DSC1: variants seen among roughly 807,000 people sequenced by gnomAD.
DSC1 encodes desmocollin-1.
DSC1 carries 79 observed loss-of-function variants against 98.8 expected under a neutral mutation model. That is an observed-to-expected ratio of 0.80 (90% CI 0.67 to 0.96). The LOEUF is 0.96. DSC1 is among the 50% of genes least tolerant of loss of function. The pLI is 0.00. For synonymous variants in DSC1, 405 were observed against 372.1 expected (o/e 1.09, Z -1.02); for missense variants, 1,115 against 1,075.9 (o/e 1.04, Z -0.51).
rs756792101 is a variant in DSC1 at position 31,134,572 on chromosome 18, C to T, written c.1876G>A (p.Gly626Ser). The change falls in exon 12 of 16, where the codon GGT becomes AGT. Residue 626 changes from glycine (G) to serine (S), a missense_variant and splice_region_variant. Coordinates refer to ENST00000257198, the MANE Select transcript of DSC1 (RefSeq NM_024421.2). Reference protein sequence around the residue: ...SKNWNIEEKDGKTAILRQRQN... With the variant: ...SKNWNIEEKDSKTAILRQRQN... ...TATAAAATTTAGCATGATTACATAC[C>T]ATCCTTTTCTTCTATGTTCCAGTTT... 6.2e-6 allele frequency: 10 copies of T among 1,604,638 alleles called. No individual in the cohort carries two copies. The highest frequency in any genetic ancestry group is 8.5e-6 in the Non-Finnish European group (10 of 1,174,168).
At chr18:31,145,558 A>G in intron 7 of DSC1, 53 bp downstream of exon 7, 2 of 1,595,498 alleles carry the variant, frequency 1.3e-6, no homozygotes, top group Non-Finnish European at 1.7e-6. Context: ...TCGGGAGTTC[A>G]TTCTCAGTTT....
chr18:31,148,795 G>C (rs1435166940), intron 5 of DSC1, among the ~76,000 whole-genome samples, 153 bp from the exon 6 acceptor site: 1 of 151,740 alleles, frequency 6.6e-6, no homozygotes, highest in Non-Finnish European at 1.5e-5. Context: ...ATAACCCACA[G>C]ATGCAGTCTC....
rs974710134 is a variant in DSC1 at position 31,154,657 on chromosome 18, T to C, written c.627+117A>G. On this transcript the variant is annotated intron_variant, in intron 5 of 15. Coordinates refer to ENST00000257198, the MANE Select transcript of DSC1 (RefSeq NM_024421.2). The stretch of plus-strand genomic sequence containing the variant: ...ATTTAAAGTTTATATTGCATATTAA[T>C]ATCTTGAATATTAAATCAAATAATT... 6 of 965,348 alleles carry C rather than the reference T, an allele frequency of 6.2e-6. No individual in the cohort carries two copies. The East Asian group carries it at 1.4e-4, about 22-fold the overall frequency. 59.8% of individuals were successfully genotyped at this position (965,348 alleles called of 1,614,324 possible).
At chr18:31,162,473 G>T in intron 1 of DSC1, 59 bp downstream of exon 1, 1 of 1,543,114 alleles carries the variant, frequency 6.5e-7, no homozygotes, top group Non-Finnish European at 9.0e-7. Context: ...AGCCCAAACT[G>T]CAGAGAGGAA....
Position 31,157,700 on chromosome 18 carries a change from A to G in DSC1, c.149-127T>C, listed in dbSNP as rs1346872857. 6 of 891,350 alleles carry G rather than the reference A, an allele frequency of 6.7e-6. No individual in the cohort carries two copies. The Admixed American group carries it at 1.6e-4, about 23-fold the overall frequency. 55.2% of individuals were successfully genotyped at this position (891,350 alleles called of 1,614,324 possible). ...GGGAGGTTACATTTGGAATGTGCTC[A>G]GCACCTGCTATTCTAAAACGTGGGG... On this transcript the variant is annotated intron_variant, in intron 2 of 15. Transcript: ENST00000257198.
Position 31,130,294 on chromosome 18 carries a change from A to G in DSC1, c.*220T>C. Reference sequence around the variant, plus strand: ...CGTGAAAAGGGCAATATATACATGCATATAAAAGAGAATTAACAAACAAAA... The same window carrying G: ...CGTGAAAAGGGCAATATATACATGCGTATAAAAGAGAATTAACAAACAAAA... On this transcript the variant is annotated 3_prime_UTR_variant, in exon 16 of 16. Coordinates refer to ENST00000257198, the MANE Select transcript of DSC1 (RefSeq NM_024421.2). 1 of 583,736 alleles carries G rather than the reference A, an allele frequency of 1.7e-6. No homozygotes were observed. The allele number at this position is 583,736 out of a possible 1,614,324, so 36.2% of individuals were successfully genotyped here. A position where few individuals can be genotyped will look rare whatever the true frequency, so the allele number is the denominator to read the frequency against.
chr18:31,148,415 A>C, intron 6 of DSC1, 83 bp downstream of exon 6: 1 of 1,420,276 alleles, frequency 7.0e-7, no homozygotes. Context: ...AAATGCAATG[A>C]TAAAACGTAA....
intron 2 of DSC1, among the ~76,000 whole-genome samples, chr18:31,159,047 G>GTTTTGTTTTTTT (rs1555646386): frequency 4.2e-5 from 3 of 71,098 alleles, no homozygotes; most frequent in African/African-American, 1.7e-4. Flanking sequence ...CTACTATGTG[G>GTTTTGTTTTTTT]TTTTTTTTTT....
chr18:31,130,591 C>A lies in DSC1; in HGVS notation c.2608G>T (p.Glu870Ter), dbSNP rs755951803. 1 of 1,614,158 alleles carries A rather than the reference C, an allele frequency of 6.2e-7. No individual in the cohort carries two copies. The highest frequency in any genetic ancestry group is 1.1e-5 in the South Asian group (1 of 91,084). Residue 870 changes from glutamate (E) to a stop codon, truncating the protein, a stop_gained, in exon 16 of 16, where the codon GAA (glutamate) becomes TAA (stop). Transcript: ENST00000257198. LOFTEE classifies it high-confidence loss of function. ...TCTAGAAACTCCAGTCCCTCTTCTT[C>A]CTGCCGATCGCTGCAGCAACCTACT... ...GSVGCCSDRQ[E>*]EEGLEFLDHL...
intron 4 of DSC1, 83 bp downstream of exon 4, chr18:31,155,960 T>A: frequency 7.0e-7 from 1 of 1,434,870 alleles, no homozygotes; most frequent in Non-Finnish European, 9.5e-7. Flanking sequence ...AACCTCTGAT[T>A]CAATATGCTG....
intron 15 of DSC1, 187 bp from the exon 16 acceptor site, chr18:31,130,898 A>G: frequency 6.8e-7 from 1 of 1,471,520 alleles, no homozygotes; most frequent in African/African-American, 1.4e-5. Flanking sequence ...AATATAGCAA[A>G]TAAATAAATG....
intron 1 of DSC1, among the ~76,000 whole-genome samples, chr18:31,161,432 C>T (rs1326482803): frequency 1.3e-5 from 2 of 152,070 alleles, no homozygotes; most frequent in Non-Finnish European, 2.9e-5. Context: ...CACTCCCACC[C>T]CCATCTTCTT....
At chr18:31,148,376 A>G (rs2144943447) in intron 6 of DSC1, 122 bp downstream of exon 6, 1 of 1,233,230 alleles carries the variant, frequency 8.1e-7, no homozygotes. Context: ...AAAAAAGTGT[A>G]TGTAATCAGA....
At chr18:31,158,677 C>T (rs764868524) in intron 2 of DSC1, among the ~76,000 whole-genome samples, 31 of 152,120 alleles carry the variant, frequency 2.0e-4, no homozygotes, top group Non-Finnish European at 3.8e-4. Flanking sequence ...TTTTCACAAG[C>T]TGTTCTGTGA....
At chr18:31,138,579 G>T (rs1386643507) in intron 11 of DSC1, among the ~76,000 whole-genome samples, 3 of 150,628 alleles carry the variant, frequency 2.0e-5, no homozygotes, top group Admixed American at 6.7e-5. Context: ...AAAAGTAGGG[G>T]TATAATATCT....
chr18:31,133,687 C>T (rs1988543381), intron 13 of DSC1, among the ~76,000 whole-genome samples: 1 of 152,020 alleles, frequency 6.6e-6, no homozygotes, highest in Non-Finnish European at 1.5e-5. Context: ...AGAACTAAGG[C>T]TACCACCTCT....
At chr18:31,145,341 A>G (rs1233545782) in intron 7 of DSC1, among the ~76,000 whole-genome samples, 2 of 152,204 alleles carry the variant, frequency 1.3e-5, no homozygotes, top group African/African-American at 4.8e-5. Context: ...AGATAAAAGT[A>G]TTTTTTAAAA....
intron 5 of DSC1, among the ~76,000 whole-genome samples, chr18:31,151,636 C>G (rs893040562): frequency 2.6e-5 from 4 of 152,162 alleles, no homozygotes; most frequent in Non-Finnish European, 4.4e-5. Flanking sequence ...AATCTCATCT[C>G]TTTTAGCCCT....
Position 31,143,806 on chromosome 18 carries a change from A to T in DSC1, c.940-15T>A. The T allele has an allele frequency of 6.5e-7, 1 of 1,540,964 alleles. No individual in the cohort carries two copies. The highest frequency in any genetic ancestry group is 1.3e-5 in the South Asian group (1 of 77,456). On this transcript the variant is annotated splice_polypyrimidine_tract_variant and intron_variant, in intron 7 of 15. Transcript: ENST00000257198. Reference sequence around the variant, plus strand: ...GTATCACATTTCTGAAAAAAAGGAAAAAACTACATTAATGAACACTTTTAT... The same window carrying T: ...GTATCACATTTCTGAAAAAAAGGAATAAACTACATTAATGAACACTTTTAT...
Sources: allele counts gnomAD v4.1 joint callset (sites outside exome capture counted in the v4.1 genomes callset), GRCh38; gene constraint gnomAD v4.1.1; transcripts MANE v1.5; gene names NCBI Gene and HGNC (gene_info 2026-07-23, HGNC 2026-07-21).